The following LUZP2 variants were observed in gnomAD, a reference collection of about 807,000 sequenced individuals.
LUZP2 encodes leucine zipper protein 2.
LUZP2 carries 52 observed loss-of-function variants against 51.6 expected under a neutral mutation model. That is an observed-to-expected ratio of 1.01 (90% CI 0.81 to 1.27). The LOEUF (loss-of-function observed/expected upper bound fraction) is 1.27, where lower values mean the gene tolerates loss of function less well. LUZP2 is among the 50% of genes most tolerant of loss of function. The pLI is 0.00. For synonymous variants in LUZP2, 154 were observed against 137.3 expected, an observed-to-expected ratio of 1.12 and a Z score of -0.85; for missense variants, 436 against 395.4, an observed-to-expected ratio of 1.10 and a Z score of -0.87.
At chr11:24,950,170 C>T (rs573427718) in intron 7 of LUZP2, among the ~76,000 whole-genome samples, 1 of 150,944 alleles carries the variant, frequency 6.6e-6, no homozygotes, top group Non-Finnish European at 1.5e-5. Flanking sequence ...GTAGACAGAT[C>T]AATGATGAAT....
At chr11:25,010,762 A>G (rs1255553259) in intron 9 of LUZP2, among the ~76,000 whole-genome samples, 2 of 152,036 alleles carry the variant, frequency 1.3e-5, no homozygotes, top group African/African-American at 2.4e-5. Flanking sequence ...TGGGAGAATC[A>G]CTTGAACTCG....
At chr11:24,703,182 T>C (rs1445102349) in intron 1 of LUZP2, among the ~76,000 whole-genome samples, 1 of 152,212 alleles carries the variant, frequency 6.6e-6, no homozygotes, top group East Asian at 1.9e-4. Flanking sequence ...TTTCTTTTTA[T>C]CACATTCCTA....
intron 1 of LUZP2, among the ~76,000 whole-genome samples, chr11:24,679,958 C>G (rs1856679064): frequency 6.6e-6 from 1 of 152,090 alleles, no homozygotes; most frequent in Non-Finnish European, 1.5e-5. Context: ...AAGTGCTATT[C>G]CTTGGATACC....
intron 1 of LUZP2, among the ~76,000 whole-genome samples, chr11:24,680,621 G>A (rs779054315): frequency 8.5e-5 from 13 of 152,240 alleles, no homozygotes; most frequent in Non-Finnish European, 1.8e-4. Flanking sequence ...ATTGTGATTG[G>A]AGATAATTAG....
chr11:24,549,868 C>G (rs1027921088), intron 1 of LUZP2, among the ~76,000 whole-genome samples: 2 of 151,944 alleles, frequency 1.3e-5, no homozygotes, highest in African/African-American at 4.8e-5. Context: ...CATTTATGGA[C>G]ATGAATTGGA....
intron 5 of LUZP2, among the ~76,000 whole-genome samples, chr11:24,806,702 C>T (rs1849864999): frequency 6.6e-6 from 1 of 152,166 alleles, no homozygotes; most frequent in Middle Eastern, 3.4e-3. Flanking sequence ...ATAAAGTTCT[C>T]CTGTTATTTC....
chr11:24,991,014 G>A (rs1256054763), intron 9 of LUZP2, among the ~76,000 whole-genome samples: 1 of 151,774 alleles, frequency 6.6e-6, no homozygotes, highest in Non-Finnish European at 1.5e-5. Flanking sequence ...GGTGGTGTTT[G>A]GTTACATGAG....
At chr11:24,969,894 G>C (rs1329045232) in intron 7 of LUZP2, among the ~76,000 whole-genome samples, 1 of 152,052 alleles carries the variant, frequency 6.6e-6, no homozygotes, top group Non-Finnish European at 1.5e-5. Flanking sequence ...CTGAGTTTTG[G>C]TGGGAACACA....
intron 7 of LUZP2, among the ~76,000 whole-genome samples, chr11:24,966,613 T>C (rs2133889139): frequency 6.7e-6 from 1 of 148,778 alleles, no homozygotes; most frequent in South Asian, 2.1e-4. Context: ...ATGCATTACG[T>C]TTATATATAT....
intron 7 of LUZP2, among the ~76,000 whole-genome samples, chr11:24,947,018 G>T (rs1854919095): frequency 6.6e-6 from 1 of 151,950 alleles, no homozygotes; most frequent in African/African-American, 2.4e-5. Context: ...GAAGTTAGGG[G>T]CACCAACCCC....
chr11:24,601,956 A>G (rs960450656), intron 1 of LUZP2, among the ~76,000 whole-genome samples: 63 of 132,494 alleles, frequency 4.8e-4, no homozygotes, highest in African/African-American at 7.1e-4. Flanking sequence ...GTATAAATGT[A>G]TATATGTATA....
intron 7 of LUZP2, among the ~76,000 whole-genome samples, chr11:24,934,961 G>A (rs1163681095): frequency 3.9e-5 from 6 of 152,186 alleles, no homozygotes; most frequent in Admixed American, 3.9e-4. Flanking sequence ...GTCTTACTAT[G>A]GCAGTGAATA....
chr11:24,706,012 G>A lies in LUZP2; in HGVS notation c.63-23157G>A, dbSNP rs570757967. On this transcript the variant is annotated intron_variant, in intron 1 of 11. Transcript: ENST00000336930. ...TGAGTGACAGCTTAAACTAGGGCTT[G>A]TAACGCCCAGGGTGAGACTACCTAT... Among the ~76,000 whole-genome samples, 30 of 151,806 alleles carry A rather than the reference G, an allele frequency of 2.0e-4. No individual in the cohort carries two copies. The South Asian group carries it at 5.8e-3, about 30-fold the overall frequency.
intron 5 of LUZP2, among the ~76,000 whole-genome samples, chr11:24,844,255 G>C (rs1305403951): frequency 6.6e-6 from 1 of 152,174 alleles, no homozygotes; most frequent in Admixed American, 6.5e-5. Flanking sequence ...AACTTGTTGG[G>C]AACTGGAGCA....
intron 1 of LUZP2, among the ~76,000 whole-genome samples, chr11:24,649,278 G>A (rs1855553733): frequency 6.6e-6 from 1 of 151,974 alleles, no homozygotes; most frequent in South Asian, 2.1e-4. Flanking sequence ...GGTTTTCCAG[G>A]GATCCCAAAG....
intron 8 of LUZP2, among the ~76,000 whole-genome samples, chr11:24,981,583 T>G (rs1590800487): frequency 6.6e-6 from 1 of 151,836 alleles, no homozygotes; most frequent in East Asian, 1.9e-4. Flanking sequence ...AAGCCCAGCC[T>G]CTATTCAAGA....
intron 1 of LUZP2, among the ~76,000 whole-genome samples, chr11:24,544,976 C>A (rs1851493181): frequency 6.6e-6 from 1 of 152,044 alleles, no homozygotes; most frequent in South Asian, 2.1e-4. Context: ...TAATAGTAGT[C>A]ATTCTGACTG....
At chr11:24,872,765 A>G (rs1852122209) in intron 5 of LUZP2, among the ~76,000 whole-genome samples, 1 of 152,174 alleles carries the variant, frequency 6.6e-6, no homozygotes, top group African/African-American at 2.4e-5. Flanking sequence ...TTATTTACAA[A>G]GCATTTGCAC....
At chr11:24,832,380 T>C (rs1031552352) in intron 5 of LUZP2, among the ~76,000 whole-genome samples, 4 of 151,994 alleles carry the variant, frequency 2.6e-5, no homozygotes, top group African/African-American at 4.8e-5. Flanking sequence ...GGGACTGATA[T>C]GGTTTTAAGG....
Sources: allele counts gnomAD v4.1 joint callset (sites outside exome capture counted in the v4.1 genomes callset), GRCh38; gene constraint gnomAD v4.1.1; transcripts MANE v1.5; gene names NCBI Gene and HGNC (gene_info 2026-07-23, HGNC 2026-07-21).